CFAP251: variants seen among roughly 807,000 people sequenced by gnomAD.
CFAP251 encodes cilia and flagella associated protein 251, also known as cilia- and flagella-associated protein 251.
In CFAP251, 93 loss-of-function variants were observed where a neutral mutation model predicts 126.7. That is an observed-to-expected ratio of 0.73 (90% CI 0.62 to 0.87). The LOEUF (loss-of-function observed/expected upper bound fraction) is 0.87, where lower values mean the gene tolerates loss of function less well. Ranked by LOEUF, CFAP251 falls within the 40% of genes least tolerant of loss-of-function variation. The pLI is 0.00. For synonymous variants in CFAP251, 503 were observed against 506.9 expected, an observed-to-expected ratio of 0.99 and a Z score of 0.10; for missense variants, 1,287 against 1,389.2, an observed-to-expected ratio of 0.93 and a Z score of 1.17.
chr12:121,987,404 C>A (rs895915259), intron 19 of CFAP251, among the ~76,000 whole-genome samples: 6 of 152,124 alleles, frequency 3.9e-5, no homozygotes, highest in African/African-American at 1.2e-4. Flanking sequence ...GATTACTATG[C>A]AGCCATTAAA....
At chr12:121,971,808 G>A (rs563233567) in intron 17 of CFAP251, 21 of 542,718 alleles carry the variant, frequency 3.9e-5, no homozygotes, top group Non-Finnish European at 6.0e-5. Context: ...ATTGTACTCC[G>A]ATAATTCCCG....
intron 16 of CFAP251, 53 bp from the exon 17 acceptor site, chr12:121,967,953 C>T (rs1256254217): frequency 9.1e-6 from 14 of 1,533,206 alleles, no homozygotes; most frequent in Non-Finnish European, 1.2e-5. Flanking sequence ...TGCCAGGCCT[C>T]TCTCGGGCCC....
chr12:122,002,711 T>A (rs1328413337), intron 21 of CFAP251, among the ~76,000 whole-genome samples: 1 of 152,156 alleles, frequency 6.6e-6, no homozygotes, highest in Non-Finnish European at 1.5e-5. Context: ...GCACTGGACC[T>A]GAAGTTAGGG....
At chr12:121,958,221 G>A in intron 11 of CFAP251, 51 bp from the exon 12 acceptor site, 1 of 1,602,406 alleles carries the variant, frequency 6.2e-7, no homozygotes, top group East Asian at 2.2e-5. Flanking sequence ...TAGCTGGCAT[G>A]CCCCATTCCC....
intron 8 of CFAP251, chr12:121,949,379 T>G (rs1881438966): frequency 6.2e-6 from 1 of 161,078 alleles, no homozygotes. Flanking sequence ...TTGCCCAGGC[T>G]GGCCTCAAAT....
rs189137647 is a variant in CFAP251, at chr12:121,919,007, T to C, written c.-21+312T>C. Among the ~76,000 whole-genome samples, 25 of 152,304 alleles carry C rather than the reference T, an allele frequency of 1.6e-4. No homozygotes were observed. In the East Asian group the frequency reaches 4.8e-3, roughly 29 times the overall value. The stretch of plus-strand genomic sequence containing the variant: ...GAGCCCTAGACTTGATTCAGAGCAG[T>C]GATTTTTCAGCTGGAGAAACTAAGT... On this transcript the variant is annotated intron_variant, in intron 1 of 21. Coordinates refer to ENST00000288912, the MANE Select transcript of CFAP251 (RefSeq NM_144668.6).
intron 17 of CFAP251, chr12:121,971,721 G>A: frequency 1.5e-6 from 1 of 669,600 alleles, no homozygotes; most frequent in Admixed American, 2.3e-5. Context: ...TTCATTACAG[G>A]AGGAAAATAA....
intron 17 of CFAP251, among the ~76,000 whole-genome samples, chr12:121,970,998 G>A (rs1882313085): frequency 6.6e-6 from 1 of 152,230 alleles, no homozygotes; most frequent in African/African-American, 2.4e-5. Context: ...GGGATGTAGG[G>A]GAGCTCTGAA....
At chr12:121,921,986 G>A (rs1024215198) in intron 2 of CFAP251, among the ~76,000 whole-genome samples, 1 of 151,694 alleles carries the variant, frequency 6.6e-6, no homozygotes, top group African/African-American at 2.4e-5. Flanking sequence ...ATGGGGTTTC[G>A]GTCTTACCAT....
intron 3 of CFAP251, 38 bp from the exon 4 acceptor site, chr12:121,931,708 C>T (rs368241268): frequency 4.5e-5 from 67 of 1,492,604 alleles, no homozygotes; most frequent in South Asian, 4.5e-4. Flanking sequence ...GGGCTGAACA[C>T]GCTGTAATGT....
chr12:121,928,753 G>GC (rs1880559287), intron 3 of CFAP251, among the ~76,000 whole-genome samples: 2 of 149,426 alleles, frequency 1.3e-5, no homozygotes, highest in South Asian at 4.2e-4. Context: ...CTGCAGTGCA[G>GC]CATGACGATC....
At chr12:121,999,400 G>T (rs1372364582) in intron 19 of CFAP251, 1 of 171,426 alleles carries the variant, frequency 5.8e-6, no homozygotes, top group Non-Finnish European at 1.2e-5. Context: ...CGCCGAGACA[G>T]AGTTTCACTC....
chr12:121,990,087 A>C (rs959264900), intron 19 of CFAP251, among the ~76,000 whole-genome samples: 4 of 152,154 alleles, frequency 2.6e-5, no homozygotes, highest in Admixed American at 1.3e-4. Context: ...AAATGTTTAA[A>C]AGTTACCAAT....
intron 3 of CFAP251, 24 bp downstream of exon 3, chr12:121,924,014 C>A: frequency 6.9e-7 from 1 of 1,447,956 alleles, no homozygotes; most frequent in Non-Finnish European, 9.0e-7. Context: ...TTTTAAATCT[C>A]CCCCAGTGCT....
chr12:121,969,768 C>T, intron 17 of CFAP251: 8 of 985,400 alleles, frequency 8.1e-6, no homozygotes, highest in Non-Finnish European at 9.6e-6. Flanking sequence ...TGAGCCACTG[C>T]ACCCAGCTAG....
chr12:121,982,469 C>G (rs1389777836), intron 19 of CFAP251, among the ~76,000 whole-genome samples: 1 of 151,898 alleles, frequency 6.6e-6, no homozygotes, highest in East Asian at 1.9e-4. Context: ...ACCTCCACCT[C>G]TCGGGTTCAA....
chr12:121,951,811 C>T (rs567425391), intron 9 of CFAP251, among the ~76,000 whole-genome samples: 27 of 152,208 alleles, frequency 1.8e-4, no homozygotes, highest in African/African-American at 4.6e-4. Flanking sequence ...CTCTGCCTCC[C>T]GGGTTCACGC....
intron 14 of CFAP251, among the ~76,000 whole-genome samples, chr12:121,961,185 C>T (rs1489455921): frequency 6.6e-6 from 1 of 152,130 alleles, no homozygotes; most frequent in African/African-American, 2.4e-5. Flanking sequence ...CGCAATATTA[C>T]AGAGTCAGGT....
In CFAP251 at chr12:121,921,572, T is replaced by C. The variant is rs1387612021; in HGVS notation, c.267T>C (p.Ala89=). The change falls in exon 2 of 22, where the codon GCT becomes GCC. Residue 89 remains alanine, a synonymous_variant. Coordinates refer to ENST00000288912, the MANE Select transcript of CFAP251 (RefSeq NM_144668.6). ...CTGGAGAAGTCCAAGAGAAGGAGGC[T>C]TCAGGAATACAGGAAGAAACCACAG... The part of the protein sequence containing the change: ...EKAGEVQEKE[A]SGIQEETTVE... 6.2e-7 allele frequency: 1 copy of C among 1,613,864 alleles called. No homozygotes were observed. The highest frequency in any genetic ancestry group is 1.1e-5 in the South Asian group (1 of 91,060).
Sources: allele counts gnomAD v4.1 joint callset (sites outside exome capture counted in the v4.1 genomes callset), GRCh38; gene constraint gnomAD v4.1.1; transcripts MANE v1.5; gene names NCBI Gene and HGNC (gene_info 2026-07-23, HGNC 2026-07-21).